SIK3: variants seen among roughly 807,000 people sequenced by gnomAD.
The protein encoded by SIK3 is serine/threonine-protein kinase SIK3.
Under a neutral mutation model 144.2 loss-of-function variants are expected in SIK3, and 28 were observed. That is an observed-to-expected ratio of 0.19 (90% CI 0.14 to 0.27). The LOEUF (loss-of-function observed/expected upper bound fraction) is 0.27. Ranked by LOEUF, SIK3 falls within the 10% of genes least tolerant of loss-of-function variation. The pLI is 1.00. For missense variants in SIK3, 1,319 were observed against 1,776.0 expected, an observed-to-expected ratio of 0.74 and a Z score of 4.62; for synonymous variants, 686 against 676.3, an observed-to-expected ratio of 1.01 and a Z score of -0.22.
In SIK3 at chr11:116,996,819, CAAAAAAAAA is replaced by C. The variant is rs11329513; in HGVS notation, c.274-39764_274-39756del. On this transcript the variant is annotated intron_variant, in intron 1 of 24. Transcript: ENST00000445177. Reference sequence around the variant, plus strand: ...TGGGCGCCAGAGGGAGACTCTCTCTCAAAAAAAAAAAAAAAAAAAAAAAAAAAAGACATT... The same window carrying C: ...TGGGCGCCAGAGGGAGACTCTCTCTCAAAAAAAAAAAAAAAAAAAGACATT... Among the ~76,000 whole-genome samples the C allele has an allele frequency of 8.6e-4, 50 of 58,406 alleles. No homozygotes were observed. In the East Asian group the frequency reaches 0.011, roughly 13 times the overall value. 38.3% of individuals were successfully genotyped at this position (58,406 alleles called of 152,430 possible). A position where few individuals can be genotyped will look rare whatever the true frequency, so the allele number is the denominator to read the frequency against.
intron 4 of SIK3, among the ~76,000 whole-genome samples, chr11:116,909,807 C>T (rs1184826028): frequency 1.3e-5 from 2 of 152,006 alleles, no homozygotes; most frequent in Admixed American, 1.3e-4. Flanking sequence ...AAGAAAAGAG[C>T]GATACAGTTT....
chr11:117,051,139 A>T (rs1435686432), intron 1 of SIK3, among the ~76,000 whole-genome samples: 1 of 152,180 alleles, frequency 6.6e-6, no homozygotes, highest in African/African-American at 2.4e-5. Context: ...GCAGAGGAAG[A>T]GCAAATTCAC....
At chr11:116,868,633 G>A (rs1261134280) in intron 14 of SIK3, among the ~76,000 whole-genome samples, 3 of 152,080 alleles carry the variant, frequency 2.0e-5, no homozygotes. Flanking sequence ...TTTCCCTCTC[G>A]CTTGGTGACT....
intron 8 of SIK3, 45 bp from the exon 9 acceptor site, chr11:116,876,054 G>A (rs1196424036): frequency 6.2e-7 from 1 of 1,607,536 alleles, no homozygotes. Context: ...TGGTGAAATG[G>A]CATGTTGATG....
intron 4 of SIK3, among the ~76,000 whole-genome samples, chr11:116,918,031 G>T (rs1240333363): frequency 6.6e-6 from 1 of 151,860 alleles, no homozygotes; most frequent in Non-Finnish European, 1.5e-5. Context: ...TGAAACTTTG[G>T]CTTTTAATCA....
At chr11:116,918,656 T>C (rs997375847) in intron 4 of SIK3, among the ~76,000 whole-genome samples, 1 of 152,204 alleles carries the variant, frequency 6.6e-6, no homozygotes, top group Non-Finnish European at 1.5e-5. Context: ...CAGGCTGGCC[T>C]CTGTTTACAC....
intron 1 of SIK3, among the ~76,000 whole-genome samples, chr11:117,049,588 A>G (rs1396844348): frequency 6.6e-6 from 1 of 152,126 alleles, no homozygotes; most frequent in East Asian, 1.9e-4. Flanking sequence ...AAAAAAAAAG[A>G]AAGAAAGAAG....
intron 1 of SIK3, among the ~76,000 whole-genome samples, chr11:116,999,899 CTAAAT>C (rs1370148576): frequency 2.0e-5 from 3 of 152,276 alleles, no homozygotes; most frequent in Admixed American, 2.0e-4. Context: ...CATACCATTA[CTAAAT>C]TATTTTCCAT....
intron 20 of SIK3, 122 bp downstream of exon 20, chr11:116,859,143 G>A: frequency 1.1e-6 from 1 of 915,578 alleles, no homozygotes; most frequent in African/African-American, 1.7e-5. Context: ...TAGAAAGCGT[G>A]AAACAAGAGC....
intron 1 of SIK3, among the ~76,000 whole-genome samples, chr11:116,982,756 C>T (rs907367810): frequency 6.6e-6 from 1 of 151,270 alleles, no homozygotes; most frequent in Non-Finnish European, 1.5e-5. Context: ...GACATCAAGG[C>T]CAACATGGTG....
At position 116,844,104 on chromosome 11, in the gene SIK3, CTT is replaced by C. The variant is rs1321234963; in HGVS notation, c.*1537_*1538del. ...GAGTCAGTGTATTCAAGGTCTCTCTCTTGTTTTGAAGATCAGAAGGAGATAAC... is the reference window on the plus strand; with the variant it reads ...GAGTCAGTGTATTCAAGGTCTCTCTCGTTTTGAAGATCAGAAGGAGATAAC... On this transcript the variant is annotated 3_prime_UTR_variant, in exon 25 of 25. Coordinates refer to ENST00000445177, the MANE Select transcript of SIK3 (RefSeq NM_001366686.3). 6.6e-6 allele frequency: 1 copy of C among 152,162 alleles called. No homozygotes were observed. The highest frequency in any genetic ancestry group is 1.5e-5 in the Non-Finnish European group (1 of 68,030). The allele number at this position is 152,162 out of a possible 1,614,324, so 9.4% of individuals were successfully genotyped here.
chr11:116,959,628 T>C (rs1949270121), intron 1 of SIK3, among the ~76,000 whole-genome samples: 2 of 152,178 alleles, frequency 1.3e-5, no homozygotes, highest in South Asian at 2.1e-4. Context: ...AGTCATATAG[T>C]GGGGCCTCCC....
intron 3 of SIK3, among the ~76,000 whole-genome samples, chr11:116,943,766 A>C (rs1263411563): frequency 1.3e-5 from 2 of 152,076 alleles, no homozygotes; most frequent in African/African-American, 4.8e-5. Context: ...CCACATCTTG[A>C]ACTTGTCTTT....
chr11:116,873,538 A>G lies in SIK3; in HGVS notation c.1680T>C (p.His560=), dbSNP rs1191660434. ...GTGGGCGCTTCAGCAGCTGCTGGGC[A>G]TGCAGTTGGATGTTGGCTCCTCCAT... The part of the protein sequence containing the change: ...ASDGGANIQL[H]AQQLLKRPRG... Residue 560 remains histidine, a synonymous_variant, in exon 13 of 25, where the codon CAT becomes CAC. Coordinates refer to ENST00000445177, the MANE Select transcript of SIK3 (RefSeq NM_001366686.3). 6.2e-7 allele frequency: 1 copy of G among 1,613,178 alleles called. No homozygotes were observed. Among genetic ancestry groups the G allele is most frequent in the Non-Finnish European group, 8.5e-7 (1 of 1,179,710 alleles).
rs575911361 is a variant in SIK3, at chr11:116,849,563, A to T, written c.3656-280T>A. 6.6e-6 allele frequency among the ~76,000 whole-genome samples: 1 copy of T among 152,100 alleles called. No individual in the cohort carries two copies. Among genetic ancestry groups the T allele is most frequent in the Non-Finnish European group, 1.5e-5 (1 of 68,028 alleles). ...TTCTCTTCTTTCATTTCTCTGTTGA[A>T]TTAACAGTGATCTATTCCCAAACCT... On this transcript the variant is annotated intron_variant, in intron 21 of 24. Coordinates refer to ENST00000445177, the MANE Select transcript of SIK3 (RefSeq NM_001366686.3). This position sits in a 1 kb window ranked among gnomAD's most constrained non-coding sequence, Gnocchi z 4.2.
In SIK3 at chr11:116,995,508, C is replaced by T. The variant is rs373888627; in HGVS notation, c.274-38444G>A. Among the ~76,000 whole-genome samples, 5 of 152,096 alleles carry T rather than the reference C, an allele frequency of 3.3e-5. No homozygotes were observed. The South Asian group carries it at 8.3e-4, about 25-fold the overall frequency. Reference sequence around the variant, plus strand: ...AAACTCCTGCGCTCAAGGCATCCACCCACCTCAACCCTCCCAAAGTGCTGG... The same window carrying T: ...AAACTCCTGCGCTCAAGGCATCCACTCACCTCAACCCTCCCAAAGTGCTGG... On this transcript the variant is annotated intron_variant, in intron 1 of 24. Transcript: ENST00000445177.
At chr11:116,869,883 CA>C in intron 14 of SIK3, 1 of 315,094 alleles carries the variant, frequency 3.2e-6, no homozygotes, top group African/African-American at 2.2e-5. Context: ...ACACAGCAAA[CA>C]GTACAAGAGG....
intron 1 of SIK3, among the ~76,000 whole-genome samples, chr11:117,040,491 A>G (rs1409870566): frequency 6.6e-6 from 1 of 152,212 alleles, no homozygotes; most frequent in Non-Finnish European, 1.5e-5. Flanking sequence ...TGCATAAATA[A>G]CCACAAATAA....
chr11:116,925,625 T>G (rs1441593506), intron 4 of SIK3, among the ~76,000 whole-genome samples: 1 of 152,246 alleles, frequency 6.6e-6, no homozygotes, highest in Admixed American at 6.5e-5. Flanking sequence ...ATAGTAATAA[T>G]AAGACACTAA....
Sources: allele counts gnomAD v4.1 joint callset (sites outside exome capture counted in the v4.1 genomes callset), GRCh38; gene constraint gnomAD v4.1.1; non-coding constraint Gnocchi (gnomAD v3.1); transcripts MANE v1.5; gene names NCBI Gene and HGNC (gene_info 2026-07-23, HGNC 2026-07-21).